Variants in C1QTNF3 observed in about 807,000 individuals in gnomAD.
C1QTNF3 encodes the protein complement C1q tumor necrosis factor-related protein 3.
In C1QTNF3, 26 loss-of-function variants were observed where a neutral mutation model predicts 32.6. That is an observed-to-expected ratio of 0.80 (90% confidence interval 0.58 to 1.11). The LOEUF (loss-of-function observed/expected upper bound fraction) is 1.11. C1QTNF3 is among the 50% of genes least tolerant of loss of function. C1QTNF3 has a pLI of 0.00. For missense variants in C1QTNF3, 362 were observed against 398.2 expected, an observed-to-expected ratio of 0.91 and a Z score of 0.77; for synonymous variants, 155 against 146.0, an observed-to-expected ratio of 1.06 and a Z score of -0.44.
chr5:34,144,957 G>A, the C1QTNF3 span, among the ~76,000 whole-genome samples: 270 of 151,986 alleles, frequency 1.8e-3, 1 homozygote, highest in African/African-American at 6.2e-3. Context: ...GTGTAACCCC[G>A]TCTCTACTAA....
At chr5:34,039,837 G>T (rs1754825869) in intron 1 of C1QTNF3, among the ~76,000 whole-genome samples, 2 of 152,166 alleles carry the variant, frequency 1.3e-5, no homozygotes, top group African/African-American at 4.8e-5. Flanking sequence ...CTAGGCACAA[G>T]AATTCAGCTC....
At chr5:34,208,479 C>T in the C1QTNF3 span, among the ~76,000 whole-genome samples, 1 of 151,920 alleles carries the variant, frequency 6.6e-6, no homozygotes, top group African/African-American at 2.4e-5. Flanking sequence ...CAGTAGCACA[C>T]CCTCTCTTTC....
the C1QTNF3 span, among the ~76,000 whole-genome samples, chr5:34,223,313 T>C: frequency 6.6e-6 from 1 of 151,316 alleles, no homozygotes; most frequent in Non-Finnish European, 1.5e-5. Flanking sequence ...AATGATGATT[T>C]CCAATTTCAT....
At chr5:34,213,261 T>A in the C1QTNF3 span, among the ~76,000 whole-genome samples, 3 of 152,146 alleles carry the variant, frequency 2.0e-5, no homozygotes, top group African/African-American at 7.2e-5. Context: ...CATTATAGAT[T>A]GATCACTCTA....
the C1QTNF3 span, among the ~76,000 whole-genome samples, chr5:34,215,266 TG>T: frequency 6.6e-6 from 1 of 152,144 alleles, no homozygotes; most frequent in African/African-American, 2.4e-5. Flanking sequence ...ACATATGTCC[TG>T]TGTAAGCCTG....
chr5:34,089,950 A>C, the C1QTNF3 span, among the ~76,000 whole-genome samples: 1 of 152,236 alleles, frequency 6.6e-6, no homozygotes, highest in African/African-American at 2.4e-5. Context: ...ACGGAGCTGC[A>C]TATGTCTGGG....
chr5:34,025,949 A>C (rs535568931), intron 4 of C1QTNF3, among the ~76,000 whole-genome samples: 1 of 152,374 alleles, frequency 6.6e-6, no homozygotes, highest in South Asian at 2.1e-4. Flanking sequence ...CTATCATTTC[A>C]TATCTCAGTT....
At chr5:34,161,070 G>A in the C1QTNF3 span, among the ~76,000 whole-genome samples, 1 of 152,126 alleles carries the variant, frequency 6.6e-6, no homozygotes, top group Non-Finnish European at 1.5e-5. Flanking sequence ...TCTGGAGTGA[G>A]CTGACATCAC....
the C1QTNF3 span, among the ~76,000 whole-genome samples, chr5:34,094,051 C>T: frequency 6.6e-6 from 1 of 152,148 alleles, no homozygotes; most frequent in African/African-American, 2.4e-5. Flanking sequence ...AGAAAACACC[C>T]TTGTAGAAGA....
the C1QTNF3 span, among the ~76,000 whole-genome samples, chr5:34,221,434 A>T: frequency 1.3e-5 from 2 of 152,088 alleles, no homozygotes; most frequent in Non-Finnish European, 2.9e-5. Context: ...ACTATTTGAC[A>T]TTGAAATGTT....
the C1QTNF3 span, among the ~76,000 whole-genome samples, chr5:34,102,368 AATTTG>A: frequency 3.9e-5 from 6 of 151,938 alleles, no homozygotes; most frequent in African/African-American, 1.4e-4. Flanking sequence ...TCACTTAGCA[AATTTG>A]ATTTGTTTTC....
At chr5:34,062,619 CT>C in the C1QTNF3 span, among the ~76,000 whole-genome samples, 2 of 152,318 alleles carry the variant, frequency 1.3e-5, no homozygotes, top group Middle Eastern at 6.8e-3. Flanking sequence ...AAGATTCTCC[CT>C]ATCATTACTG....
At chr5:34,217,707 G>A in the C1QTNF3 span, among the ~76,000 whole-genome samples, 1 of 152,102 alleles carries the variant, frequency 6.6e-6, no homozygotes, top group Non-Finnish European at 1.5e-5. Context: ...ATGAGACCAT[G>A]AACACTGGAA....
At chr5:34,160,772 C>G in the C1QTNF3 span, among the ~76,000 whole-genome samples, 2 of 151,730 alleles carry the variant, frequency 1.3e-5, no homozygotes, top group Admixed American at 6.6e-5. Context: ...AATCCCTGAC[C>G]CATGACAGAC....
chr5:34,118,216 A>T, the C1QTNF3 span, among the ~76,000 whole-genome samples: 1 of 152,136 alleles, frequency 6.6e-6, no homozygotes, highest in Non-Finnish European at 1.5e-5. Flanking sequence ...AGTAGCTGGA[A>T]TTACGGGTGC....
At position 34,042,953 on chromosome 5, in the gene C1QTNF3, C is replaced by T; in HGVS notation, c.173G>A (p.Arg58Lys). The T allele has an allele frequency of 6.2e-7, 1 of 1,614,228 alleles. No individual in the cohort carries two copies. Among genetic ancestry groups the T allele is most frequent in the Non-Finnish European group, 8.5e-7 (1 of 1,180,050 alleles). The change falls in exon 1 of 6, where the codon AGA (arginine) becomes AAA (lysine). Residue 58 changes from arginine to lysine, a missense_variant. Transcript: ENST00000382065. ...CCCAGTTTTAGGATGGCTCCGCTCTCTCACTTTCTCCCTCCTGGAGCCGCT... is the reference window on the plus strand; with the variant it reads ...CCCAGTTTTAGGATGGCTCCGCTCTTTCACTTTCTCCCTCCTGGAGCCGCT... The part of the protein sequence containing the change: ...GRSGSRREKV[R>K]ERSHPKTGTV...
At chr5:34,167,779 T>G in the C1QTNF3 span, 1 of 152,176 alleles carries the variant, frequency 6.6e-6, no homozygotes, top group Non-Finnish European at 1.5e-5. Context: ...TATAATGAAG[T>G]GGTTACTTTG....
chr5:34,094,188 C>G, the C1QTNF3 span, among the ~76,000 whole-genome samples: 1 of 152,180 alleles, frequency 6.6e-6, no homozygotes, highest in Non-Finnish European at 1.5e-5. Flanking sequence ...TAAACTCTAT[C>G]TTTTAACATG....
the C1QTNF3 span, among the ~76,000 whole-genome samples, chr5:34,153,912 A>G: frequency 6.6e-6 from 1 of 151,356 alleles, no homozygotes; most frequent in African/African-American, 2.4e-5. Flanking sequence ...AGGTGAGATT[A>G]TAGATGTGTT....
Sources: gnomAD v4.1 joint callset for allele counts (sites outside exome capture counted in the v4.1 genomes callset) on GRCh38, gnomAD v4.1.1 for gene constraint, MANE v1.5 for transcripts, NCBI Gene and HGNC (gene_info 2026-07-23, HGNC 2026-07-21) for gene names.